ANO7: variants seen among roughly 807,000 people sequenced by gnomAD.
The protein encoded by ANO7 is anoctamin 7.
A neutral mutation model predicts 115.8 loss-of-function variants in ANO7; 114 were observed. The ratio of observed to expected loss-of-function variants is 0.98; its 90% CI spans 0.85 to 1.15. The LOEUF (loss-of-function observed/expected upper bound fraction) is 1.15. Ranked by LOEUF, ANO7 falls within the 50% of genes most tolerant of loss-of-function variation. The pLI is 0.00. For synonymous variants in ANO7, 550 were observed against 498.2 expected, an observed-to-expected ratio of 1.10 and a Z score of -1.38; for missense variants, 1,302 against 1,201.2, an observed-to-expected ratio of 1.08 and a Z score of -1.24.
In ANO7 at chr2:241,225,037, A is replaced by ATTGT. The variant is rs2069125076; in HGVS notation, c.*887_*890dup. On this transcript the variant is annotated 3_prime_UTR_variant, in exon 25 of 25. Transcript: ENST00000674324. Reference sequence around the variant, plus strand: ...CCCCAGAAGTTTGTGTTCATACATAATTGTTTTCCACGCTGGATCATAATG... The same window carrying ATTGT: ...CCCCAGAAGTTTGTGTTCATACATAATTGTTTGTTTTCCACGCTGGATCATAATG... 6.6e-6 allele frequency: 1 copy of ATTGT among 152,124 alleles called. No individual in the cohort carries two copies. Among genetic ancestry groups the ATTGT allele is most frequent in the African/African-American group, 2.4e-5 (1 of 41,408 alleles). The allele number at this position is 152,124 out of a possible 1,614,324, so 9.4% of individuals were successfully genotyped here.
At chr2:241,229,950 C>G, downstream of ANO7, 1 of 1,600,232 alleles carries the variant, frequency 6.2e-7, no homozygotes, top group Non-Finnish European at 8.5e-7. Flanking sequence ...CACTGTCCAC[C>G]ACGTCAGCTA....
At chr2:241,235,290 C>G in the ANO7 span, 5 of 1,613,844 alleles carry the variant, frequency 3.1e-6, no homozygotes, top group Non-Finnish European at 4.2e-6. Flanking sequence ...ACGTTCAGGA[C>G]CCCAGAGAAC....
At chr2:241,189,999 A>T (rs2068153848) in intron 1 of ANO7, 58 bp from the exon 2 acceptor site, 1 of 1,359,360 alleles carries the variant, frequency 7.4e-7, no homozygotes, top group African/African-American at 1.4e-5. Context: ...GGCCCCAGGA[A>T]CGGGTCTCAC....
chr2:241,236,570 G>A, the ANO7 span: 1 of 1,602,070 alleles, frequency 6.2e-7, no homozygotes, highest in Non-Finnish European at 8.5e-7. Flanking sequence ...GGTGCCTGCT[G>A]ACTGGGCCTT....
chr2:241,234,090 G>A, the ANO7 span: 2 of 1,075,456 alleles, frequency 1.9e-6, no homozygotes, highest in Non-Finnish European at 2.7e-6. Context: ...GGTCCGGAAT[G>A]GTCCGCCATC....
At chr2:241,236,614 C>T in the ANO7 span, 1 of 1,613,864 alleles carries the variant, frequency 6.2e-7, no homozygotes, top group Non-Finnish European at 8.5e-7. Flanking sequence ...TGGACACATA[C>T]CTCCAGAGCT....
chr2:241,216,663 A>T (rs1400386048), intron 19 of ANO7, among the ~76,000 whole-genome samples: 3 of 152,232 alleles, frequency 2.0e-5, no homozygotes, highest in African/African-American at 7.2e-5. Context: ...CGCTATTTGC[A>T]GACCTACCAC....
At chr2:241,194,353 T>G (rs1574758114) in intron 3 of ANO7, among the ~76,000 whole-genome samples, 1 of 151,450 alleles carries the variant, frequency 6.6e-6, no homozygotes, top group East Asian at 1.9e-4. Flanking sequence ...GTTGCCCTGT[T>G]GCCCAGGCTG....
chr2:241,218,272 C>A lies in ANO7; in HGVS notation c.2212C>A (p.Pro738Thr), dbSNP rs1266445781. The change falls in exon 21 of 25, where the codon CCG becomes ACG. Residue 738 changes from proline to threonine, a missense_variant. Coordinates refer to ENST00000674324, the MANE Select transcript of ANO7 (RefSeq NM_001370694.2). ...CCTGGCCTTCTCGTCCGACTTCCTGCCGCGCGCCTACTACCGGTGGACCCG... is the reference window on the plus strand; with the variant it reads ...CCTGGCCTTCTCGTCCGACTTCCTGACGCGCGCCTACTACCGGTGGACCCG... ...FLLAFSSDFLPRAYYRWTRAH... is the reference protein window; with the variant it reads ...FLLAFSSDFLTRAYYRWTRAH... 2.0e-6 allele frequency: 3 copies of A among 1,533,480 alleles called. No homozygotes were observed. The highest frequency in any genetic ancestry group is 2.9e-5 in the African/African-American group (2 of 69,822). The allele number at this position is 1,533,480 out of a possible 1,614,324, so 95.0% of individuals were successfully genotyped here.
the ANO7 span, chr2:241,239,560 A>G: frequency 1.3e-6 from 2 of 1,528,818 alleles, no homozygotes; most frequent in Non-Finnish European, 1.8e-6. This position sits in a 1 kb window ranked among gnomAD's most constrained non-coding sequence, Gnocchi z 4.6. Context: ...GTGAGTGGCC[A>G]CTGGGGGGTG....
At chr2:241,196,561 G>A (rs1379434055) in intron 4 of ANO7, among the ~76,000 whole-genome samples, 4 of 152,204 alleles carry the variant, frequency 2.6e-5, no homozygotes, top group East Asian at 3.9e-4. Flanking sequence ...CATCCCACTC[G>A]GGGTTTCTTT....
chr2:241,226,368 G>A (rs11674710), downstream of ANO7, among the ~76,000 whole-genome samples: 104,060 of 151,946 alleles, frequency 0.68, 37,223 homozygotes, highest in Middle Eastern at 0.85. Context: ...TGTGTGCTTT[G>A]CTGTGGGTTG....
the ANO7 span, among the ~76,000 whole-genome samples, chr2:241,235,833 A>T: frequency 6.6e-6 from 1 of 152,172 alleles, no homozygotes. Flanking sequence ...ACCCTCCTGA[A>T]TTACAGCAGC....
rs948663189 is a variant in ANO7, at chr2:241,225,894, C to T, written c.*1741C>T. 5.3e-5 allele frequency among the ~76,000 whole-genome samples: 8 copies of T among 152,218 alleles called. No individual in the cohort carries two copies. Among genetic ancestry groups the T allele is most frequent in the African/African-American group, 1.7e-4 (7 of 41,446 alleles). On this transcript the variant is annotated 3_prime_UTR_variant, in exon 25 of 25. Transcript: ENST00000674324. ...AGCTCAGCCATTCCACGTGTGCTTT[C>T]GCTCAGCACAATGCTTACTACAAAC...
At chr2:241,189,921 C>A (rs1424567075) in intron 1 of ANO7, 136 bp from the exon 2 acceptor site, 5 of 642,648 alleles carry the variant, frequency 7.8e-6, no homozygotes, top group Admixed American at 3.0e-5. Context: ...GAGAGTCTGC[C>A]GAGCCAGCCC....
intron 22 of ANO7, 36 bp from the exon 23 acceptor site, chr2:241,223,626 G>A (rs377267313): frequency 2.9e-5 from 46 of 1,604,158 alleles, no homozygotes; most frequent in Middle Eastern, 1.7e-4. Context: ...CACTCTGGGC[G>A]TTTGGGTGGG....
Position 241,209,614 on chromosome 2 carries a change from C to T in ANO7, c.1338C>T (p.Gly446=). Residue 446 remains glycine (G), a synonymous_variant, in exon 13 of 25, where the codon GGC becomes GGT. Coordinates refer to ENST00000674324, the MANE Select transcript of ANO7 (RefSeq NM_001370694.2). The part of the protein sequence containing the change: ...ERSRARRMLA[G]SVVIVVMVAV... ...GCCGCGCGCGCCGCATGCTGGCCGG[C>T]TCTGTGGTGATCGTGGTGATGGTAT... 2 of 1,578,420 alleles carry T rather than the reference C, an allele frequency of 1.3e-6. No individual in the cohort carries two copies. Among genetic ancestry groups the T allele is most frequent in the Non-Finnish European group, 1.7e-6 (2 of 1,162,964 alleles).
chr2:241,191,773 A>G (rs1460694746), intron 3 of ANO7, among the ~76,000 whole-genome samples: 1 of 146,196 alleles, frequency 6.8e-6, no homozygotes, highest in Non-Finnish European at 1.5e-5. Flanking sequence ...GATGGCTACT[A>G]CTTAAAAAAA....
downstream of ANO7, among the ~76,000 whole-genome samples, chr2:241,226,529 A>G (rs1157463550): frequency 6.6e-6 from 1 of 151,024 alleles, no homozygotes; most frequent in African/African-American, 2.4e-5. Flanking sequence ...GGTTCACGCC[A>G]TTCTCCTGCC....
Sources: gnomAD v4.1 joint callset for allele counts (sites outside exome capture counted in the v4.1 genomes callset) on GRCh38, gnomAD v4.1.1 for gene constraint, Gnocchi (gnomAD v3.1) non-coding constraint, MANE v1.5 for transcripts, NCBI Gene and HGNC (gene_info 2026-07-23, HGNC 2026-07-21) for gene names.